Variants in DLG2 observed in about 807,000 individuals in gnomAD.
DLG2 encodes the protein discs large MAGUK scaffold protein 2, also known as disks large homolog 2.
In DLG2, 45 loss-of-function variants were observed where a neutral mutation model predicts 132.5. That is an observed-to-expected ratio of 0.34 (90% CI 0.27 to 0.44). The LOEUF (loss-of-function observed/expected upper bound fraction) is 0.44. Among genes scored for constraint, DLG2 ranks in the 20% least tolerant of loss-of-function variants. DLG2 has a pLI of 1.00. For missense variants in DLG2, 1,045 were observed against 1,196.9 expected, an observed-to-expected ratio of 0.87 and a Z score of 1.87; for synonymous variants, 424 against 419.6, an observed-to-expected ratio of 1.01 and a Z score of -0.13.
chr11:85,433,421 T>C (rs909143061), intron 3 of DLG2, among the ~76,000 whole-genome samples: 3 of 152,148 alleles, frequency 2.0e-5, no homozygotes, highest in Non-Finnish European at 4.4e-5. Context: ...AAGAGACCCA[T>C]TTCATGTTCA....
chr11:84,503,038 A>C (rs957735511), intron 7 of DLG2, among the ~76,000 whole-genome samples: 2 of 152,192 alleles, frequency 1.3e-5, no homozygotes, highest in Non-Finnish European at 2.9e-5. Flanking sequence ...ATTCTCTTGT[A>C]ATACATTCTA....
chr11:84,460,621 C>T (rs1008125754), intron 7 of DLG2, among the ~76,000 whole-genome samples: 1 of 150,562 alleles, frequency 6.6e-6, no homozygotes, highest in African/African-American at 2.4e-5. Context: ...ACTATTACTT[C>T]AAACATTAAT....
chr11:85,600,107 A>G (rs149527712), intron 2 of DLG2, among the ~76,000 whole-genome samples: 2,005 of 152,292 alleles, frequency 0.013, 50 homozygotes, highest in African/African-American at 0.046. Flanking sequence ...GGCAGATTCC[A>G]CAAGCTCCTA....
chr11:84,456,077 G>T (rs1249798695), intron 7 of DLG2, among the ~76,000 whole-genome samples: 1 of 151,270 alleles, frequency 6.6e-6, no homozygotes, highest in Non-Finnish European at 1.5e-5. Context: ...ATGTCGCTTT[G>T]CATGAAAAGC....
chr11:83,545,981 T>C (rs115042989), intron 19 of DLG2, among the ~76,000 whole-genome samples: 294 of 152,302 alleles, frequency 1.9e-3, no homozygotes, highest in African/African-American at 6.1e-3. Context: ...GCAACTTTTA[T>C]AAAATGCCAT....
chr11:85,343,632 T>TCACA (rs903541682), intron 3 of DLG2, among the ~76,000 whole-genome samples: 3 of 151,156 alleles, frequency 2.0e-5, no homozygotes, highest in African/African-American at 7.3e-5. Context: ...TCTCTCTCTC[T>TCACA]CACACACACA....
At chr11:83,812,091 A>C (rs938915357) in intron 17 of DLG2, among the ~76,000 whole-genome samples, 1 of 152,152 alleles carries the variant, frequency 6.6e-6, no homozygotes, top group East Asian at 1.9e-4. Flanking sequence ...TTGAACTTCC[A>C]TCTGTCTACT....
At chr11:84,097,466 C>A (rs1335984205) in intron 10 of DLG2, among the ~76,000 whole-genome samples, 1 of 152,172 alleles carries the variant, frequency 6.6e-6, no homozygotes, top group East Asian at 1.9e-4. Context: ...CTGCCACCCC[C>A]CACTCCACAG....
chr11:83,627,569 T>C (rs2062805647), intron 19 of DLG2, among the ~76,000 whole-genome samples: 1 of 152,242 alleles, frequency 6.6e-6, no homozygotes, highest in Non-Finnish European at 1.5e-5. Flanking sequence ...CTGCATAGTA[T>C]TCCATGGTGT....
chr11:85,107,944 A>AG (rs1262151662), intron 6 of DLG2, among the ~76,000 whole-genome samples: 1 of 147,852 alleles, frequency 6.8e-6, no homozygotes, highest in East Asian at 2.0e-4. Flanking sequence ...AAAAAAAAAA[A>AG]AAAAAAAAAG....
In DLG2 at chr11:84,386,825, G is replaced by A. The variant is rs79663962; in HGVS notation, c.520-135534C>T. On this transcript the variant is annotated intron_variant, in intron 7 of 27. Transcript: ENST00000376104. ...TCAAAATTTGTTTTATATTTGTATC[G>A]TCTTGCATAGTTTGCTTTGTAGGCC... Among the ~76,000 whole-genome samples the A allele has an allele frequency of 3.6e-3, 549 of 151,922 alleles. 21 individuals carry two copies. The East Asian group carries it at 0.066, about 18-fold the overall frequency.
chr11:85,468,493 G>C (rs181683505), intron 3 of DLG2, among the ~76,000 whole-genome samples: 110 of 152,312 alleles, frequency 7.2e-4, no homozygotes, highest in African/African-American at 2.5e-3. Flanking sequence ...ATGTGTCCCA[G>C]AGATTCCGGT....
chr11:85,493,663 C>T (rs2093610959), intron 3 of DLG2, among the ~76,000 whole-genome samples: 1 of 149,290 alleles, frequency 6.7e-6, no homozygotes, highest in South Asian at 2.1e-4. Context: ...GAGCAAGATC[C>T]CATGTCAGAG....
At chr11:85,369,468 C>T (rs577928112) in intron 3 of DLG2, among the ~76,000 whole-genome samples, 158 of 151,510 alleles carry the variant, frequency 1.0e-3, no homozygotes, top group Middle Eastern at 6.8e-3. Flanking sequence ...TAACCTTTAA[C>T]TTTTTTTTTC....
chr11:85,176,307 C>T (rs12801996), intron 4 of DLG2, among the ~76,000 whole-genome samples: 139 of 152,194 alleles, frequency 9.1e-4, no homozygotes, highest in Admixed American at 1.6e-3. Flanking sequence ...AGAAATAAGA[C>T]GGCACATCTG....
At position 84,093,781 on chromosome 11, in the gene DLG2, A is replaced by G. The variant is rs541963998; in HGVS notation, c.749+5142T>C. 3.5e-4 allele frequency among the ~76,000 whole-genome samples: 53 copies of G among 151,378 alleles called. 2 individuals carry two copies. The highest frequency in any genetic ancestry group is 1.3e-3 in the African/African-American group (53 of 41,292). The stretch of plus-strand genomic sequence containing the variant: ...AGGCGCCCACCACAACACCCCGCTA[A>G]TTTTTGTATTTTTAGTAGAGATGGG... On this transcript the variant is annotated intron_variant, in intron 10 of 27. Transcript: ENST00000376104.
chr11:85,434,550 A>G (rs573922882), intron 3 of DLG2, among the ~76,000 whole-genome samples: 4 of 152,336 alleles, frequency 2.6e-5, no homozygotes, highest in South Asian at 4.1e-4. Context: ...AAACACCTCT[A>G]TGCAAATAAA....
chr11:83,682,140 G>T (rs2078933006), intron 18 of DLG2: 1 of 985,370 alleles, frequency 1.0e-6, no homozygotes, highest in South Asian at 4.7e-5. Context: ...ACGATTAGCT[G>T]CAAAGCCAGG....
intron 6 of DLG2, among the ~76,000 whole-genome samples, chr11:84,838,031 A>T (rs1318553984): frequency 6.6e-6 from 1 of 151,896 alleles, no homozygotes; most frequent in African/African-American, 2.4e-5. Context: ...AAGAATATTT[A>T]CACACATAAA....
Sources: allele counts gnomAD v4.1 joint callset (sites outside exome capture counted in the v4.1 genomes callset), GRCh38; gene constraint gnomAD v4.1.1; transcripts MANE v1.5; gene names NCBI Gene and HGNC (gene_info 2026-07-23, HGNC 2026-07-21).